RNF157: variants seen among roughly 807,000 people sequenced by gnomAD.
The protein encoded by RNF157 is ring finger protein 157, also known as E3 ubiquitin ligase RNF157.
RNF157 carries 55 observed loss-of-function variants against 88.3 expected under a neutral mutation model. The observed-to-expected ratio is 0.62, with a 90% CI of 0.50 to 0.78. The LOEUF is 0.78. RNF157 is among the 30% of genes least tolerant of loss of function. The pLI, the probability that RNF157 is intolerant of heterozygous loss-of-function variation, is 0.00. For missense variants in RNF157, 788 were observed against 860.8 expected (o/e 0.92, Z 1.06); for synonymous variants, 334 against 341.2 (o/e 0.98, Z 0.23).
Position 76,166,472 on chromosome 17 carries a change from T to G in RNF157, c.617A>C (p.Asp206Ala). 6.2e-7 allele frequency: 1 copy of G among 1,613,474 alleles called. No individual in the cohort carries two copies. Among genetic ancestry groups the G allele is most frequent in the Non-Finnish European group, 8.5e-7 (1 of 1,179,810 alleles). Residue 206 changes from aspartate (D) to alanine (A), a missense_variant, in exon 6 of 19, where the codon GAT becomes GCT. Physicochemically the swap from Asp to Ala is moderately radical, Grantham distance 126 (BLOSUM62 -2). Transcript: ENST00000269391. ...VYPLVVHAVVDEGDEYFGHCH... is the reference protein window; with the variant it reads ...VYPLVVHAVVAEGDEYFGHCH... Reference sequence around the variant, plus strand: ...GAAATCGCCCCTACCGTCTCCTTCATCCACCACGGCATGTACCACTAGAGG... The same window carrying G: ...GAAATCGCCCCTACCGTCTCCTTCAGCCACCACGGCATGTACCACTAGAGG...
intron 18 of RNF157, among the ~76,000 whole-genome samples, chr17:76,147,939 GTACA>G (rs1361161249): frequency 6.6e-6 from 1 of 152,194 alleles, no homozygotes; most frequent in Admixed American, 6.5e-5. Context: ...GATTTTGGGA[GTACA>G]TTCAGGAAAA....
At chr17:76,156,874 C>G (rs887959743) in intron 13 of RNF157, among the ~76,000 whole-genome samples, 1 of 152,158 alleles carries the variant, frequency 6.6e-6, no homozygotes, top group South Asian at 2.1e-4. Context: ...AAGATGGATG[C>G]AAAGTTCTAC....
chr17:76,146,732 T>C lies in RNF157; in HGVS notation c.1922-1379A>G. 1 of 985,436 alleles carries C rather than the reference T, an allele frequency of 1.0e-6. No homozygotes were observed. The highest frequency in any genetic ancestry group is 1.2e-6 in the Non-Finnish European group (1 of 829,890). 61.0% of individuals were successfully genotyped at this position (985,436 alleles called of 1,614,324 possible). On this transcript the variant is annotated intron_variant, in intron 18 of 18. Coordinates refer to ENST00000269391, the MANE Select transcript of RNF157 (RefSeq NM_052916.3). The surrounding 1 kb of genome is among the most constrained non-coding windows in gnomAD (Gnocchi z 4.2). The stretch of plus-strand genomic sequence containing the variant: ...CTCCTCCATGGGACAAAGCTCCTCC[T>C]GGGCAGGGGCCGTGACTTCTTCACT...
intron 1 of RNF157, among the ~76,000 whole-genome samples, chr17:76,216,174 T>C (rs2069884583): frequency 6.6e-6 from 1 of 152,178 alleles, no homozygotes; most frequent in South Asian, 2.1e-4. Context: ...GAGTTTGATG[T>C]CTGGAATTGT....
In RNF157 at chr17:76,182,788, TGAG is replaced by T. The variant is rs1434934602; in HGVS notation, c.208-9001_208-8999del. Among the ~76,000 whole-genome samples the T allele has an allele frequency of 9.9e-5, 12 of 120,642 alleles. No individual in the cohort carries two copies. The South Asian group carries it at 1.0e-3, about 10-fold the overall frequency. The allele number at this position is 120,642 out of a possible 152,430, so 79.1% of individuals were successfully genotyped here. On this transcript the variant is annotated intron_variant, in intron 2 of 18. Transcript: ENST00000269391. ...ATATATATATATATATATATATATATGAGAGATATATATATGAGAGAGATATAT... is the reference window on the plus strand; with the variant it reads ...ATATATATATATATATATATATATATAGATATATATATGAGAGAGATATAT...
At chr17:76,182,483 A>G (rs1401477655) in intron 2 of RNF157, among the ~76,000 whole-genome samples, 1 of 107,158 alleles carries the variant, frequency 9.3e-6, no homozygotes, top group Admixed American at 8.8e-5. Context: ...GTGTGTGTGT[A>G]TCAATCACAT....
rs139285422 is a variant in RNF157 at position 76,172,540 on chromosome 17, G to A, written c.296+1162C>T. ...TGGGAGGTGGAGGTTGCAGTGAGCCGAGATCGCAGTGAGCCGAGATCGTGC... is the reference window on the plus strand; with the variant it reads ...TGGGAGGTGGAGGTTGCAGTGAGCCAAGATCGCAGTGAGCCGAGATCGTGC... On this transcript the variant is annotated intron_variant, in intron 3 of 18. Coordinates refer to ENST00000269391, the MANE Select transcript of RNF157 (RefSeq NM_052916.3). Among the ~76,000 whole-genome samples the A allele has an allele frequency of 4.1e-3, 580 of 143,150 alleles. 5 individuals are homozygous for A. Among genetic ancestry groups the A allele is most frequent in the African/African-American group, 0.011 (413 of 38,156 alleles). The allele number at this position is 143,150 out of a possible 152,430, so 93.9% of individuals were successfully genotyped here. A position where few individuals can be genotyped will look rare whatever the true frequency, so the allele number is the denominator to read the frequency against.
chr17:76,189,699 T>G (rs1374642630), intron 2 of RNF157, among the ~76,000 whole-genome samples: 1 of 152,080 alleles, frequency 6.6e-6, no homozygotes, highest in Non-Finnish European at 1.5e-5. Flanking sequence ...TCCCCATGGC[T>G]GAGGAAACAA....
At position 76,164,810 on chromosome 17, in the gene RNF157, T is replaced by C. The variant is rs955764175; in HGVS notation, c.673-15A>G. 3 of 1,603,998 alleles carry C rather than the reference T, an allele frequency of 1.9e-6. No homozygotes were observed. In the African/African-American group the frequency reaches 4.0e-5, roughly 21 times the overall value. On this transcript the variant is annotated splice_polypyrimidine_tract_variant and intron_variant, in intron 7 of 18. Transcript: ENST00000269391. ...CCATCTGTGTGCTGGAATGAAAATA[T>C]GAAAGTTATGACAAGGAAGGGAGGG...
chr17:76,226,168 G>A, intron 1 of RNF157: 1 of 1,606,302 alleles, frequency 6.2e-7, no homozygotes, highest in Non-Finnish European at 8.5e-7. Context: ...TATCTGAAGG[G>A]GTGTCTTCCT....
intron 14 of RNF157, 39 bp downstream of exon 14, chr17:76,156,171 G>C (rs1356966345): frequency 1.3e-6 from 2 of 1,494,914 alleles, no homozygotes; most frequent in Non-Finnish European, 1.9e-6. Flanking sequence ...GGCTGGGTAA[G>C]GGGGAAGGAC....
intron 2 of RNF157, 112 bp downstream of exon 2, chr17:76,212,252 A>C: frequency 1.3e-6 from 1 of 743,702 alleles, no homozygotes; most frequent in South Asian, 1.6e-5. Flanking sequence ...CATCTCTCTC[A>C]ACTCAGACCA....
chr17:76,155,150 T>A (rs1377078416), intron 16 of RNF157, 102 bp downstream of exon 16: 3 of 987,688 alleles, frequency 3.0e-6, no homozygotes, highest in Non-Finnish European at 4.8e-6. Context: ...GAAGGCTTCG[T>A]CAGCGCAGCC....
intron 2 of RNF157, among the ~76,000 whole-genome samples, chr17:76,192,841 C>CTTT (rs34816147): frequency 3.7e-5 from 5 of 134,304 alleles, no homozygotes; most frequent in African/African-American, 8.5e-5. Context: ...ACTTTCTTTC[C>CTTT]TTTTTTTTTT....
chr17:76,236,291 T>C (rs1005493123), intron 1 of RNF157, among the ~76,000 whole-genome samples: 1 of 152,202 alleles, frequency 6.6e-6, no homozygotes, highest in African/African-American at 2.4e-5. Context: ...TTTATATAAA[T>C]TAAACTGTCT....
intron 18 of RNF157, among the ~76,000 whole-genome samples, chr17:76,145,910 G>T (rs1029965753): frequency 6.6e-6 from 1 of 152,086 alleles, no homozygotes; most frequent in Non-Finnish European, 1.5e-5. Flanking sequence ...GTCACCTGCC[G>T]TTTTCCTCTC....
intron 2 of RNF157, among the ~76,000 whole-genome samples, chr17:76,193,315 G>A (rs968818915): frequency 3.3e-5 from 5 of 152,182 alleles, no homozygotes; most frequent in Non-Finnish European, 7.3e-5. Context: ...TAGCATTAGT[G>A]ATAACATCTT....
intron 2 of RNF157, among the ~76,000 whole-genome samples, chr17:76,174,602 A>G (rs1253677571): frequency 6.6e-6 from 1 of 152,234 alleles, no homozygotes; most frequent in African/African-American, 2.4e-5. Flanking sequence ...CAAAAAACCT[A>G]CTGGTCTCTG....
intron 1 of RNF157, among the ~76,000 whole-genome samples, chr17:76,239,046 G>A (rs2070328469): frequency 6.6e-6 from 1 of 152,126 alleles, no homozygotes; most frequent in Non-Finnish European, 1.5e-5. Context: ...GCTCATCTCA[G>A]TATGTCTCTA....
Sources: gnomAD v4.1 joint callset for allele counts (sites outside exome capture counted in the v4.1 genomes callset) on GRCh38, gnomAD v4.1.1 for gene constraint, Gnocchi (gnomAD v3.1) non-coding constraint, MANE v1.5 for transcripts, NCBI Gene and HGNC (gene_info 2026-07-23, HGNC 2026-07-21) for gene names.